STK32B: variants seen among roughly 807,000 people sequenced by gnomAD.
STK32B encodes serine/threonine kinase 32B.
Under a neutral mutation model 52.6 loss-of-function variants are expected in STK32B, and 43 were observed. The observed-to-expected ratio is 0.82, with a 90% CI of 0.64 to 1.05. The LOEUF (loss-of-function observed/expected upper bound fraction) is 1.05. STK32B is among the 50% of genes least tolerant of loss of function. The probability of loss-of-function intolerance (pLI) is 0.00; values close to 1 mark genes in which losing one functional copy is unlikely to be tolerated. For synonymous variants in STK32B, 238 were observed against 204.3 expected (o/e 1.17, Z -1.41); for missense variants, 621 against 534.6 (o/e 1.16, Z -1.59).
intron 4 of STK32B, among the ~76,000 whole-genome samples, chr4:5,338,835 A>G (rs760360296): frequency 7.2e-5 from 11 of 152,196 alleles, no homozygotes; most frequent in Admixed American, 5.9e-4. Flanking sequence ...CTACTAGGCA[A>G]ATGTGTGATG....
At chr4:5,330,386 A>G (rs1050828719) in intron 3 of STK32B, among the ~76,000 whole-genome samples, 1 of 152,206 alleles carries the variant, frequency 6.6e-6, no homozygotes, top group Non-Finnish European at 1.5e-5. Flanking sequence ...AGAAAGCCCA[A>G]ATGCATTTTG....
chr4:5,218,424 T>C (rs1723314596), intron 3 of STK32B, among the ~76,000 whole-genome samples: 1 of 152,204 alleles, frequency 6.6e-6, no homozygotes, highest in South Asian at 2.1e-4. Flanking sequence ...AGTAGATACA[T>C]TGCAATATAT....
chr4:5,036,327 G>GA, the STK32B span, among the ~76,000 whole-genome samples: 5 of 152,108 alleles, frequency 3.3e-5, no homozygotes, highest in African/African-American at 1.2e-4. Context: ...ATACTGGCTG[G>GA]AAAAAATGCT....
At chr4:5,497,733 C>CAACT (rs1242585819) in intron 11 of STK32B, among the ~76,000 whole-genome samples, 1 of 152,110 alleles carries the variant, frequency 6.6e-6, no homozygotes, top group African/African-American at 2.4e-5. Flanking sequence ...CTCATACACA[C>CAACT]AACTGTGACC....
At chr4:5,097,965 C>G (rs1713493302) in intron 1 of STK32B, among the ~76,000 whole-genome samples, 1 of 152,208 alleles carries the variant, frequency 6.6e-6, no homozygotes. Context: ...GGTTGTTCAG[C>G]TAGGTACTGG....
rs569492961 is a variant in STK32B, at chr4:5,127,985, C to T, written c.53-11920C>T. Among the ~76,000 whole-genome samples, 4 of 152,320 alleles carry T rather than the reference C, an allele frequency of 2.6e-5. No homozygotes were observed. The South Asian group carries it at 6.2e-4, about 24-fold the overall frequency. ...GACTTTGCTCCTCAGTCACCTTCCACCATGATTGTGAGGCCTCCCCAGCCA... is the reference window on the plus strand; with the variant it reads ...GACTTTGCTCCTCAGTCACCTTCCATCATGATTGTGAGGCCTCCCCAGCCA... On this transcript the variant is annotated intron_variant, in intron 1 of 11. Transcript: ENST00000282908.
At chr4:5,182,449 GTCCTTTTTTTT>G (rs1720433629) in intron 3 of STK32B, among the ~76,000 whole-genome samples, 2 of 151,864 alleles carry the variant, frequency 1.3e-5, no homozygotes, top group South Asian at 4.2e-4. Context: ...CTTACAAAAT[GTCCTTTTTTTT>G]TCCTTTTTTT....
chr4:5,416,760 G>T, intron 5 of STK32B, 85 bp from the exon 6 acceptor site: 1 of 1,093,870 alleles, frequency 9.1e-7, no homozygotes, highest in Non-Finnish European at 1.3e-6. Context: ...TTTCTTCACG[G>T]TATCTCACCT....
rs1717541697 is a variant in STK32B at position 5,467,554 on chromosome 4, T to G, written c.1042-452T>G. Among the ~76,000 whole-genome samples the G allele has an allele frequency of 6.6e-6, 1 of 152,170 alleles. No homozygotes were observed. The highest frequency in any genetic ancestry group is 6.5e-5 in the Admixed American group (1 of 15,282). On this transcript the variant is annotated intron_variant, in intron 10 of 11. Coordinates refer to ENST00000282908, the MANE Select transcript of STK32B (RefSeq NM_018401.3). The surrounding 1 kb of genome is among the most constrained non-coding windows in gnomAD (Gnocchi z 5.8). ...CTGGATTACATCTGTAAAGGTTCTA[T>G]TTCCAAATAACGTCATGTTTATAAG...
chr4:5,148,619 A>G (rs914301417), intron 2 of STK32B, among the ~76,000 whole-genome samples: 1 of 151,760 alleles, frequency 6.6e-6, no homozygotes, highest in African/African-American at 2.4e-5. Context: ...ATTCATTTGT[A>G]TTAATTGAGA....
chr4:5,457,212 CTTTTTTTTTTTTTT>C (rs1230307057), intron 8 of STK32B, among the ~76,000 whole-genome samples: 1 of 114,938 alleles, frequency 8.7e-6, no homozygotes, highest in African/African-American at 3.3e-5. Flanking sequence ...TTTTTTTTTT[CTTTTTTTTTTTTTT>C]TTTTTAATAT....
In STK32B at chr4:5,159,699, A is replaced by G. The variant is rs796954740; in HGVS notation, c.109-8600A>G. Among the ~76,000 whole-genome samples the G allele has an allele frequency of 8.0e-4, 90 of 112,950 alleles. 9 individuals are homozygous for G. Among genetic ancestry groups the G allele is most frequent in the Middle Eastern group, 4.8e-3 (1 of 210 alleles). The allele number at this position is 112,950 out of a possible 152,430, so 74.1% of individuals were successfully genotyped here. On this transcript the variant is annotated intron_variant, in intron 2 of 11. Transcript: ENST00000282908. ...AATATATATATGAATATATATGAAT[A>G]TATATGAATATATATATGAATGTAT...
At chr4:5,450,985 G>A (rs1715939722) in intron 7 of STK32B, among the ~76,000 whole-genome samples, 1 of 152,188 alleles carries the variant, frequency 6.6e-6, no homozygotes, top group Admixed American at 6.5e-5. Flanking sequence ...TCTTGGTGTT[G>A]TGATTTGGGC....
chr4:5,230,245 A>C lies in STK32B; in HGVS notation c.260+61795A>C, dbSNP rs868541486. Among the ~76,000 whole-genome samples the C allele has an allele frequency of 9.6e-5, 12 of 124,960 alleles. No individual in the cohort carries two copies. In the South Asian group the frequency reaches 3.1e-3, roughly 32 times the overall value. The allele number at this position is 124,960 out of a possible 152,430, so 82.0% of individuals were successfully genotyped here. ...TGCACCGTCGCCCAGGTTGGAGTGC[A>C]GTGGCATGATCTCAGCTCACTGCAA... is the stretch of plus-strand genomic sequence containing the variant. On this transcript the variant is annotated intron_variant, in intron 3 of 11. Transcript: ENST00000282908.
chr4:5,443,836 G>A (rs1715042004), intron 6 of STK32B, among the ~76,000 whole-genome samples: 1 of 152,130 alleles, frequency 6.6e-6, no homozygotes, highest in Non-Finnish European at 1.5e-5. Context: ...ACCCTCAGCT[G>A]CAGGTCTGTT....
chr4:5,057,048 G>A (rs1398835443), intron 1 of STK32B, among the ~76,000 whole-genome samples: 1 of 152,180 alleles, frequency 6.6e-6, no homozygotes, highest in Non-Finnish European at 1.5e-5. Flanking sequence ...CTAAAGAACA[G>A]CACTTAGTTG....
chr4:5,362,894 A>G (rs1226814860), intron 4 of STK32B, among the ~76,000 whole-genome samples: 2 of 152,188 alleles, frequency 1.3e-5, no homozygotes, highest in Admixed American at 6.5e-5. Context: ...GCTTTCATCA[A>G]TTCAACCTCC....
chr4:5,193,979 G>T (rs1222620415), intron 3 of STK32B, among the ~76,000 whole-genome samples: 1 of 152,160 alleles, frequency 6.6e-6, no homozygotes, highest in Non-Finnish European at 1.5e-5. Context: ...GCACCTCTCA[G>T]GCTTGGCTTT....
At position 5,177,387 on chromosome 4, in the gene STK32B, C is replaced by T. The variant is rs550851900; in HGVS notation, c.260+8937C>T. On this transcript the variant is annotated intron_variant, in intron 3 of 11. Coordinates refer to ENST00000282908, the MANE Select transcript of STK32B (RefSeq NM_018401.3). ...AACCACCCTCATGATTTAATTGCCT[C>T]CCACTAGGTCCCTCCCATGACATGT... 2.6e-5 allele frequency among the ~76,000 whole-genome samples: 4 copies of T among 152,270 alleles called. No homozygotes were observed. In the South Asian group the frequency reaches 6.2e-4, roughly 24 times the overall value.
Sources: allele counts gnomAD v4.1 joint callset (sites outside exome capture counted in the v4.1 genomes callset), GRCh38; gene constraint gnomAD v4.1.1; non-coding constraint Gnocchi (gnomAD v3.1); transcripts MANE v1.5; gene names NCBI Gene and HGNC (gene_info 2026-07-23, HGNC 2026-07-21).